Variants in NOC3L observed in about 807,000 individuals in gnomAD.
NOC3L encodes nucleolar complex protein 3 homolog.
Under a neutral mutation model 102.5 loss-of-function variants are expected in NOC3L, and 85 were observed. The ratio of observed to expected loss-of-function variants is 0.83; its 90% CI spans 0.70 to 0.99. The LOEUF (loss-of-function observed/expected upper bound fraction) is 0.99, where lower values mean the gene tolerates loss of function less well. Ranked by LOEUF, NOC3L falls within the 50% of genes least tolerant of loss-of-function variation. The probability of loss-of-function intolerance (pLI) is 0.00; values close to 1 mark genes in which losing one functional copy is unlikely to be tolerated. For synonymous variants in NOC3L, 303 were observed against 309.4 expected (o/e 0.98, Z 0.22); for missense variants, 878 against 914.9 (o/e 0.96, Z 0.52).
chr10:94,344,661 A>G (rs986760260), intron 12 of NOC3L, 146 bp from the exon 13 acceptor site: 4 of 685,380 alleles, frequency 5.8e-6, no homozygotes, highest in Admixed American at 2.8e-5. Flanking sequence ...ACAAAACAGA[A>G]TGAAGATATA....
chr10:94,320,540 C>G, the NOC3L span, among the ~76,000 whole-genome samples: 1 of 152,200 alleles, frequency 6.6e-6, no homozygotes, highest in African/African-American at 2.4e-5. Flanking sequence ...AAGATAGCGA[C>G]AGCAACTCAT....
chr10:94,357,752 GAAT>G, intron 3 of NOC3L: 1 of 284,682 alleles, frequency 3.5e-6, no homozygotes, highest in Non-Finnish European at 6.5e-6. Context: ...CTGGAAATGG[GAAT>G]AAGACCTACC....
chr10:94,348,290 T>C (rs937737569), intron 10 of NOC3L, among the ~76,000 whole-genome samples: 21 of 151,550 alleles, frequency 1.4e-4, no homozygotes, highest in African/African-American at 5.1e-4. Flanking sequence ...ACTCCGTAAA[T>C]TGGGATTGAG....
At chr10:94,325,733 T>C in the NOC3L span, 1 of 152,258 alleles carries the variant, frequency 6.6e-6, no homozygotes, top group Non-Finnish European at 1.5e-5. Context: ...TCTGATAGCC[T>C]TATTTCATCA....
rs2054189602 is a variant in NOC3L at position 94,334,106 on chromosome 10, G to A, written c.*71C>T. On this transcript the variant is annotated 3_prime_UTR_variant, in exon 21 of 21. Coordinates refer to ENST00000371361, the MANE Select transcript of NOC3L (RefSeq NM_022451.11). The stretch of plus-strand genomic sequence containing the variant: ...CTTGTATAAAAAGAAAAGATCCTAA[G>A]TTAACAACTCATCTTTATGTACATC... 1.4e-6 allele frequency: 1 copy of A among 726,152 alleles called. No homozygotes were observed. The highest frequency in any genetic ancestry group is 2.4e-6 in the Non-Finnish European group (1 of 420,896). The allele number at this position is 726,152 out of a possible 1,614,324, so 45.0% of individuals were successfully genotyped here.
In NOC3L at chr10:94,352,889, G is replaced by C; in HGVS notation, c.858+7C>G. On this transcript the variant is annotated splice_region_variant and intron_variant, in intron 7 of 20. Coordinates refer to ENST00000371361, the MANE Select transcript of NOC3L (RefSeq NM_022451.11). ...GATAGTAATTATATCTAGCAATCTAGCATTACCTTAGTAGATTTTTCTGCT... is the reference window on the plus strand; with the variant it reads ...GATAGTAATTATATCTAGCAATCTACCATTACCTTAGTAGATTTTTCTGCT... The C allele has an allele frequency of 1.0e-5, 16 of 1,607,598 alleles. No individual in the cohort carries two copies. The highest frequency in any genetic ancestry group is 1.4e-5 in the Non-Finnish European group (16 of 1,175,520).
At position 94,350,119 on chromosome 10, in the gene NOC3L, T is replaced by C; in HGVS notation, c.1122A>G (p.Ser374=). 1 of 1,614,000 alleles carries C rather than the reference T, an allele frequency of 6.2e-7. No homozygotes were observed. Among genetic ancestry groups the C allele is most frequent in the South Asian group, 1.1e-5 (1 of 91,072 alleles). The change falls in exon 9 of 21, where the codon TCA becomes TCG. Residue 374 remains serine, a synonymous_variant. Transcript: ENST00000371361. ...ACCATTTACAGCAACTCACCAATTT[T>C]GACATGTCATTCATGAGAGGGACAA... is the stretch of plus-strand genomic sequence containing the variant. ...VLIVPLMNDM[S]KLISEMCCEA...
chr10:94,316,049 A>G, the NOC3L span, among the ~76,000 whole-genome samples: 1 of 152,170 alleles, frequency 6.6e-6, no homozygotes, highest in Non-Finnish European at 1.5e-5. Flanking sequence ...GCCAACAAAG[A>G]AAACAAGCCC....
chr10:94,360,089 G>A lies in NOC3L; in HGVS notation c.217+1576C>T, dbSNP rs536749922. Among the ~76,000 whole-genome samples the A allele has an allele frequency of 6.4e-4, 98 of 152,184 alleles. 1 individual carries two copies. The East Asian group carries it at 0.013, about 20-fold the overall frequency. On this transcript the variant is annotated intron_variant, in intron 2 of 20. Coordinates refer to ENST00000371361, the MANE Select transcript of NOC3L (RefSeq NM_022451.11). ...TCCCAGCACTTTGGGAGGCCAAGGCGGGCAGATCACGAGATCAGGAGATCA... is the reference window on the plus strand; with the variant it reads ...TCCCAGCACTTTGGGAGGCCAAGGCAGGCAGATCACGAGATCAGGAGATCA...
the NOC3L span, chr10:94,325,220 G>A: frequency 1.3e-6 from 1 of 786,328 alleles, no homozygotes; most frequent in Admixed American, 2.0e-5. Flanking sequence ...TCCCTTGAAG[G>A]CAGGTAGGAA....
chr10:94,349,302 A>AT lies in NOC3L; in HGVS notation c.1204dup (p.Ile402AsnfsTer2). On this transcript the variant is annotated frameshift_variant, in exon 10 of 21. Coordinates refer to ENST00000371361, the MANE Select transcript of NOC3L (RefSeq NM_022451.11). LOFTEE classifies it high-confidence loss of function. Reference sequence around the variant, plus strand: ...CTTCACAAAACCAGAAATCACTTTAATTACACCAAGAGAAGCTTGGCCTAA... The same window carrying AT: ...CTTCACAAAACCAGAAATCACTTTAATTTACACCAAGAGAAGCTTGGCCTAA... 1 of 1,590,094 alleles carries AT rather than the reference A, an allele frequency of 6.3e-7. No homozygotes were observed. Among genetic ancestry groups the AT allele is most frequent in the East Asian group, 2.3e-5 (1 of 43,988 alleles).
chr10:94,322,541 T>G, the NOC3L span, among the ~76,000 whole-genome samples: 1 of 152,066 alleles, frequency 6.6e-6, no homozygotes, highest in Admixed American at 6.6e-5. Context: ...TCCCAACACT[T>G]TGTGGGGCCA....
chr10:94,321,255 C>T, the NOC3L span, among the ~76,000 whole-genome samples: 4 of 152,334 alleles, frequency 2.6e-5, no homozygotes, highest in Admixed American at 6.5e-5. Flanking sequence ...ATACAATTTA[C>T]TGTGTTCTTA....
the NOC3L span, chr10:94,325,275 T>C: frequency 1.7e-6 from 1 of 603,692 alleles, no homozygotes; most frequent in South Asian, 1.9e-5. Flanking sequence ...ATGTGTAACA[T>C]GATATGCTAT....
At chr10:94,338,348 GA>G (rs1280867866) in intron 18 of NOC3L, among the ~76,000 whole-genome samples, 2 of 152,108 alleles carry the variant, frequency 1.3e-5, no homozygotes, top group African/African-American at 4.8e-5. Flanking sequence ...TCAATAAAGG[GA>G]AAGGTTTCAG....
the NOC3L span, chr10:94,316,762 T>C: frequency 6.3e-7 from 1 of 1,596,302 alleles, no homozygotes; most frequent in Non-Finnish European, 8.6e-7. Flanking sequence ...AGGAAGTAAG[T>C]GTGTCTGGGT....
intron 17 of NOC3L, 114 bp from the exon 18 acceptor site, chr10:94,338,850 A>G: frequency 1.2e-6 from 1 of 856,024 alleles, no homozygotes; most frequent in Non-Finnish European, 1.7e-6. Flanking sequence ...AGAGCTTTGC[A>G]TAAAGTCTTT....
At chr10:94,337,143 G>A (rs990366879) in intron 19 of NOC3L, among the ~76,000 whole-genome samples, 1 of 151,908 alleles carries the variant, frequency 6.6e-6, no homozygotes, top group African/African-American at 2.4e-5. Flanking sequence ...AAACAGTTCA[G>A]GGAAAAGAAG....
intron 7 of NOC3L, 25 bp from the exon 8 acceptor site, chr10:94,352,428 A>G: frequency 6.7e-7 from 1 of 1,500,766 alleles, no homozygotes; most frequent in Non-Finnish European, 9.2e-7. Flanking sequence ...AAGGTCAATC[A>G]TTTTTTAAAA....
Sources: gnomAD v4.1 joint callset for allele counts (sites outside exome capture counted in the v4.1 genomes callset) on GRCh38, gnomAD v4.1.1 for gene constraint, MANE v1.5 for transcripts, NCBI Gene and HGNC (gene_info 2026-07-23, HGNC 2026-07-21) for gene names.